Variants in THSD7A observed in about 807,000 individuals in gnomAD.
THSD7A encodes the protein thrombospondin type 1 domain containing 7A.
A neutral mutation model predicts 231.3 loss-of-function variants in THSD7A; 96 were observed. The observed-to-expected ratio is 0.41, with a 90% confidence interval of 0.35 to 0.49. The LOEUF is 0.49. Ranked by LOEUF, THSD7A falls within the 20% of genes least tolerant of loss-of-function variation. The probability of loss-of-function intolerance (pLI) is 0.05; values close to 1 mark genes in which losing one functional copy is unlikely to be tolerated. For synonymous variants in THSD7A, 940 were observed against 743.3 expected (o/e 1.26, Z -4.30); for missense variants, 2,290 against 2,070.2 (o/e 1.11, Z -2.06).
chr7:11,685,849 C>A (rs901497899), intron 1 of THSD7A, among the ~76,000 whole-genome samples: 6 of 151,918 alleles, frequency 3.9e-5, no homozygotes, highest in Non-Finnish European at 8.8e-5. Flanking sequence ...CCATTTGACC[C>A]AGCAGTCCCA....
chr7:11,542,901 A>G, intron 5 of THSD7A, 61 bp downstream of exon 5: 3 of 1,527,566 alleles, frequency 2.0e-6, no homozygotes, highest in South Asian at 2.5e-5. Flanking sequence ...CATTTTAAAA[A>G]TAATTCATGA....
chr7:11,686,596 A>G (rs993432170), intron 1 of THSD7A, among the ~76,000 whole-genome samples: 6 of 151,946 alleles, frequency 3.9e-5, no homozygotes, highest in African/African-American at 7.2e-5. Flanking sequence ...GTGTCCACCA[A>G]TGGTGGAATG....
chr7:11,820,041 C>G (rs1213808378), intron 1 of THSD7A, among the ~76,000 whole-genome samples: 1 of 152,138 alleles, frequency 6.6e-6, no homozygotes, highest in Non-Finnish European at 1.5e-5. Context: ...TGCCCCCACC[C>G]CACACACCAG....
chr7:11,626,110 C>T (rs987742403), intron 2 of THSD7A, among the ~76,000 whole-genome samples: 5 of 152,034 alleles, frequency 3.3e-5, no homozygotes, highest in African/African-American at 9.7e-5. Context: ...TAAGTTTAGT[C>T]CCTTCCCCAA....
intron 23 of THSD7A, among the ~76,000 whole-genome samples, chr7:11,396,343 G>GAGC (rs1783185741): frequency 6.6e-6 from 1 of 151,806 alleles, no homozygotes. Context: ...ATCAATCAAG[G>GAGC]AGCTGTTTTT....
intron 14 of THSD7A, among the ~76,000 whole-genome samples, chr7:11,427,557 A>G (rs890417379): frequency 1.3e-5 from 2 of 152,152 alleles, no homozygotes; most frequent in Non-Finnish European, 2.9e-5. Context: ...TGAGGAAAAC[A>G]CAGATTTTAA....
intron 1 of THSD7A, among the ~76,000 whole-genome samples, chr7:11,696,941 T>C (rs761512206): frequency 6.6e-6 from 1 of 151,416 alleles, no homozygotes; most frequent in African/African-American, 2.4e-5. Context: ...ATAGTTTCAA[T>C]TAGAAGCTCA....
intron 1 of THSD7A, among the ~76,000 whole-genome samples, chr7:11,701,008 T>C (rs536942578): frequency 3.3e-5 from 5 of 151,452 alleles, no homozygotes; most frequent in East Asian, 3.9e-4. Context: ...CTTCTTTGTA[T>C]ACTAGTTTAA....
chr7:11,418,404 C>A (rs180957094), intron 16 of THSD7A, among the ~76,000 whole-genome samples: 27 of 145,454 alleles, frequency 1.9e-4, no homozygotes, highest in African/African-American at 6.6e-4. Context: ...TTCACTTTTA[C>A]CATAGTAAAT....
Position 11,543,003 on chromosome 7 carries a change from G to A in THSD7A, c.1568C>T (p.Pro523Leu), listed in dbSNP as rs762666845. Residue 523 changes from proline to leucine, a missense_variant, in exon 5 of 28, where the codon CCT becomes CTT. Pro to Leu is a moderately conservative substitution (Grantham distance 98, BLOSUM62 -3). Coordinates refer to ENST00000423059, the MANE Select transcript of THSD7A (RefSeq NM_015204.3). Reference sequence around the variant, plus strand: ...ATCATTACAGTTTTCATAAGTACAAGGTCCCCAAGCTGACCAAGGTGAAAC... The same window carrying A: ...ATCATTACAGTTTTCATAAGTACAAAGTCCCCAAGCTGACCAAGGTGAAAC... ...CEVSPWSAWG[P>L]CTYENCNDQQ... 1.2e-6 allele frequency: 2 copies of A among 1,613,782 alleles called. No homozygotes were observed. Among genetic ancestry groups the A allele is most frequent in the Non-Finnish European group, 1.7e-6 (2 of 1,179,816 alleles).
At chr7:11,414,378 A>G (rs185096953) in intron 17 of THSD7A, among the ~76,000 whole-genome samples, 1 of 152,338 alleles carries the variant, frequency 6.6e-6, no homozygotes, top group East Asian at 1.9e-4. Context: ...TTGCACATGC[A>G]TACTCTTTGT....
chr7:11,642,683 A>C (rs1216629533), intron 1 of THSD7A, among the ~76,000 whole-genome samples: 1 of 152,164 alleles, frequency 6.6e-6, no homozygotes, highest in African/African-American at 2.4e-5. Flanking sequence ...AAAATTATGC[A>C]AAATTGCAAT....
intron 1 of THSD7A, among the ~76,000 whole-genome samples, chr7:11,760,124 T>G (rs1782807555): frequency 6.6e-6 from 1 of 152,046 alleles, no homozygotes; most frequent in African/African-American, 2.4e-5. Flanking sequence ...TTAGGATTTG[T>G]TCTGATAAAT....
chr7:11,674,103 C>G (rs1401438658), intron 1 of THSD7A, among the ~76,000 whole-genome samples: 23 of 151,948 alleles, frequency 1.5e-4, no homozygotes, highest in Admixed American at 1.4e-3. Flanking sequence ...TGTTCTAACC[C>G]TGAGGTAGGG....
chr7:11,545,912 G>T (rs536978814), intron 4 of THSD7A, among the ~76,000 whole-genome samples: 1 of 152,296 alleles, frequency 6.6e-6, no homozygotes, highest in African/African-American at 2.4e-5. Flanking sequence ...CATGAACAGA[G>T]CATAGCTTTC....
chr7:11,418,661 C>T (rs567233411), intron 16 of THSD7A, among the ~76,000 whole-genome samples: 1 of 152,186 alleles, frequency 6.6e-6, no homozygotes, highest in African/African-American at 2.4e-5. Flanking sequence ...CAGGGACATT[C>T]ACAAATCTCC....
intron 6 of THSD7A, among the ~76,000 whole-genome samples, chr7:11,492,842 A>T (rs1786954746): frequency 6.6e-6 from 1 of 152,102 alleles, no homozygotes; most frequent in African/African-American, 2.4e-5. Context: ...AAAAACTTTG[A>T]ACCGTAAAGA....
At chr7:11,746,304 T>C (rs552267533) in intron 1 of THSD7A, among the ~76,000 whole-genome samples, 2 of 151,974 alleles carry the variant, frequency 1.3e-5, no homozygotes, top group South Asian at 4.1e-4. Flanking sequence ...AACTAAGAAA[T>C]TGGCAAAACT....
rs189006466 is a variant in THSD7A at position 11,719,318 on chromosome 7, T to C, written c.191-82357A>G. Among the ~76,000 whole-genome samples the C allele has an allele frequency of 1.7e-3, 258 of 151,826 alleles. 1 individual carries two copies. Among genetic ancestry groups the C allele is most frequent in the Non-Finnish European group, 2.6e-3 (178 of 67,802 alleles). ...GGTGACTTCTTTCTCCTATACTAAA[T>C]GAGACTCAGTATCTGGAGACATCAG... On this transcript the variant is annotated intron_variant, in intron 1 of 27. Coordinates refer to ENST00000423059, the MANE Select transcript of THSD7A (RefSeq NM_015204.3).
Sources: gnomAD v4.1 joint callset for allele counts (sites outside exome capture counted in the v4.1 genomes callset) on GRCh38, gnomAD v4.1.1 for gene constraint, MANE v1.5 for transcripts, NCBI Gene and HGNC (gene_info 2026-07-23, HGNC 2026-07-21) for gene names.